The following C1QTNF8 variants were observed in gnomAD, a reference collection of about 807,000 sequenced individuals.
C1QTNF8 encodes the protein C1q and TNF related 8.
Under a neutral mutation model 19.2 loss-of-function variants are expected in C1QTNF8, and 27 were observed. The ratio of observed to expected loss-of-function variants is 1.41; its 90% CI spans 1.04 to 1.94. C1QTNF8 has a LOEUF of 1.94. Ranked by LOEUF, C1QTNF8 falls within the 30% of genes most tolerant of loss-of-function variation. The probability of loss-of-function intolerance (pLI) is 0.00; values close to 1 mark genes in which losing one functional copy is unlikely to be tolerated. For missense variants in C1QTNF8, 484 were observed against 374.4 expected (o/e 1.29, Z -2.42); for synonymous variants, 208 against 172.8 (o/e 1.20, Z -1.60).
Position 1,088,826 on chromosome 16 carries a change from T to G in C1QTNF8, c.*1773A>C, listed in dbSNP as rs906380971. 1.5e-4 allele frequency among the ~76,000 whole-genome samples: 5 copies of G among 34,400 alleles called. No homozygotes were observed. The highest frequency in any genetic ancestry group is 3.1e-4 in the Non-Finnish European group (5 of 16,246). 22.6% of individuals were successfully genotyped at this position (34,400 alleles called of 152,430 possible). A position where few individuals can be genotyped will look rare whatever the true frequency, so the allele number is the denominator to read the frequency against. Reference sequence around the variant, plus strand: ...CCCTGCCCGCCTGACCCCTGCTGCTTCTTAGTATCCGCAGCTGCAACTACC... The same window carrying G: ...CCCTGCCCGCCTGACCCCTGCTGCTGCTTAGTATCCGCAGCTGCAACTACC... On this transcript the variant is annotated 3_prime_UTR_variant, in exon 5 of 5. Transcript: ENST00000328449.
At position 1,093,776 on chromosome 16, in the gene C1QTNF8, CG is replaced by C. The variant is rs759579816; in HGVS notation, c.483del (p.Gly162AlafsTer23). On this transcript the variant is annotated frameshift_variant, in exon 4 of 5. Coordinates refer to ENST00000328449, the MANE Select transcript of C1QTNF8 (RefSeq NM_207419.3). LOFTEE classifies it high-confidence loss of function. ...LAAGRFLCTV[P>X]GVYFLSLNVH... is the part of the protein sequence containing the mutation. ...ACGTTGAGGCTGAGGAAGTAGACGC[CG>C]GGCACCGTGCAGAGGAAGCGGCCCG... is the stretch of plus-strand genomic sequence containing the variant. 1.2e-5 allele frequency: 20 copies of C among 1,611,988 alleles called. No individual in the cohort carries two copies. Among genetic ancestry groups the C allele is most frequent in the Non-Finnish European group, 1.6e-5 (19 of 1,179,682 alleles).
rs201918367 is a variant in C1QTNF8 at position 1,091,909 on chromosome 16, CT to C, written c.*5-1316del. 7.5e-3 allele frequency among the ~76,000 whole-genome samples: 1,135 copies of C among 151,564 alleles called. 46 individuals carry two copies. Among genetic ancestry groups the C allele is most frequent in the Admixed American group, 0.068 (1,042 of 15,252 alleles). ...TGGAAGTGACCGTCTTCCTTCCACC[CT>C]TTTGGCCTCCCCTGGGTCCATCCAC... On this transcript the variant is annotated intron_variant, in intron 4 of 4. Transcript: ENST00000328449.
chr16:1,093,374 G>A (rs868296228), intron 4 of C1QTNF8, 123 bp downstream of exon 4: 7 of 184,974 alleles, frequency 3.8e-5, no homozygotes, highest in South Asian at 4.8e-5. Flanking sequence ...TCCGCTGCCC[G>A]CCCACCCCAC....
In C1QTNF8 at chr16:1,089,733, C is replaced by T. The variant is rs1401098143; in HGVS notation, c.*866G>A. On this transcript the variant is annotated 3_prime_UTR_variant, in exon 5 of 5. Transcript: ENST00000328449. ...GGGCTTCTCTCCTGGCACCTCTTAG[C>T]GCCACCGGCCGTCAGCACACGGGGT... 1.3e-5 allele frequency among the ~76,000 whole-genome samples: 2 copies of T among 152,184 alleles called. No homozygotes were observed. The highest frequency in any genetic ancestry group is 1.9e-4 in the East Asian group (1 of 5,196).
At position 1,093,908 on chromosome 16, in the gene C1QTNF8, C is replaced by T. The variant is rs1369629226; in HGVS notation, c.352G>A (p.Ala118Thr). The change falls in exon 4 of 5, where the codon GCC (alanine) becomes ACC (threonine). Residue 118 changes from alanine (A) to threonine (T), a missense_variant. Ala to Thr is a moderately conservative substitution (Grantham distance 58). Transcript: ENST00000328449. ...PGAACRRAYAAFSVGRREGLH... is the reference protein window; with the variant it reads ...PGAACRRAYATFSVGRREGLH... ...CCCTCGCGCCGGCCCACGGAGAAGG[C>T]GGCGTAGGCACGTCGGCACGCGGCG... 6 of 1,549,044 alleles carry T rather than the reference C, an allele frequency of 3.9e-6. No individual in the cohort carries two copies. The highest frequency in any genetic ancestry group is 2.8e-5 in the African/African-American group (2 of 71,698).
intron 3 of C1QTNF8, 59 bp from the exon 4 acceptor site, chr16:1,094,110 C>G (rs1341758545): frequency 2.3e-6 from 3 of 1,324,970 alleles, no homozygotes; most frequent in Non-Finnish European, 2.9e-6. Flanking sequence ...CTCCCCCATT[C>G]CAGCACCCAG....
chr16:1,094,266 T>C (rs1960638191), intron 3 of C1QTNF8, among the ~76,000 whole-genome samples: 1 of 151,832 alleles, frequency 6.6e-6, no homozygotes, highest in Non-Finnish European at 1.5e-5. Flanking sequence ...GGCAAGGCCG[T>C]CCCCACCGAG....
In C1QTNF8 at chr16:1,093,658, A is replaced by AC. The variant is rs762461681; in HGVS notation, c.601dup (p.Val201GlyfsTer174). 2.1e-5 allele frequency: 33 copies of AC among 1,608,842 alleles called. No homozygotes were observed. In the South Asian group the frequency reaches 3.4e-4, roughly 17 times the overall value. On this transcript the variant is annotated frameshift_variant, in exon 4 of 5. Coordinates refer to ENST00000328449, the MANE Select transcript of C1QTNF8 (RefSeq NM_207419.3). LOFTEE classifies it high-confidence loss of function. ...CAGCATCAGGCTCTGGGCCTGCATG[A>AC]CGCTGCGCTCGCTGGGCTGCGCGTA...
chr16:1,094,036 G>C lies in C1QTNF8; in HGVS notation c.224C>G (p.Ala75Gly). 4 of 1,466,948 alleles carry C rather than the reference G, an allele frequency of 2.7e-6. No individual in the cohort carries two copies. Among genetic ancestry groups the C allele is most frequent in the Non-Finnish European group, 1.8e-6 (2 of 1,126,910 alleles). The allele number at this position is 1,466,948 out of a possible 1,614,324, so 90.9% of individuals were successfully genotyped here. Residue 75 changes from alanine (A) to glycine (G), a missense_variant, in exon 4 of 5, where the codon GCC becomes GGC. Coordinates refer to ENST00000328449, the MANE Select transcript of C1QTNF8 (RefSeq NM_207419.3). ...CCTGCCGGCCCGACCTCGGACGCCG[G>C]CCTCACCCTTCTCACCTGCAGGGGA... ...IEILKGEKGE[A>G]GVRGRAGRSG...
At chr16:1,094,473 C>A (rs1960641924) in intron 3 of C1QTNF8, 1 of 493,660 alleles carries the variant, frequency 2.0e-6, no homozygotes. Context: ...TCTCAGGAAC[C>A]CTGGCCCCCT....
Position 1,095,764 on chromosome 16 carries a change from G to C in C1QTNF8, c.-161C>G, listed in dbSNP as rs900444570. ...CTCCTTCAGGAAGCCCTCTGGGATT[G>C]TAGCACAGGGCAAGGTCCTTCCTCC... On this transcript the variant is annotated 5_prime_UTR_variant, in exon 2 of 5. Transcript: ENST00000328449. 11 of 152,286 alleles carry C rather than the reference G, an allele frequency of 7.2e-5. No individual in the cohort carries two copies. Among genetic ancestry groups the C allele is most frequent in the African/African-American group, 2.7e-4 (11 of 41,436 alleles). 9.4% of individuals were successfully genotyped at this position (152,286 alleles called of 1,614,324 possible). A position where few individuals can be genotyped will look rare whatever the true frequency, so the allele number is the denominator to read the frequency against.
At position 1,093,955 on chromosome 16, in the gene C1QTNF8, T is replaced by G. The variant is rs1366218153; in HGVS notation, c.305A>C (p.Lys102Thr). Reference sequence around the variant, plus strand: ...GGCGCCCGGCGGCCCCACCTGCCCCTTCTGGCCTCTGCGGCCCTGCAGGCC... The same window carrying G: ...GGCGCCCGGCGGCCCCACCTGCCCCGTCTGGCCTCTGCGGCCCTGCAGGCC... ...ARGLQGRRGQKGQVGPPGAAC... is the reference protein window; with the variant it reads ...ARGLQGRRGQTGQVGPPGAAC... The change falls in exon 4 of 5, where the codon AAG becomes ACG. Residue 102 changes from lysine (K) to threonine (T), a missense_variant. Lys to Thr is a moderately conservative substitution (Grantham distance 78, BLOSUM62 -1). Transcript: ENST00000328449. 1.4e-5 allele frequency: 21 copies of G among 1,495,888 alleles called. No individual in the cohort carries two copies. The highest frequency in any genetic ancestry group is 1.8e-5 in the Non-Finnish European group (21 of 1,135,918). The allele number at this position is 1,495,888 out of a possible 1,614,324, so 92.7% of individuals were successfully genotyped here.
chr16:1,093,370 G>GCCCCCCCCCCC, intron 4 of C1QTNF8, 127 bp downstream of exon 4: 3 of 417,556 alleles, frequency 7.2e-6, no homozygotes, highest in Non-Finnish European at 8.7e-6. Context: ...AAGCTCCGCT[G>GCCCCCCCCCCC]CCCGCCCACC....
chr16:1,090,982 G>C (rs1567391610), intron 4 of C1QTNF8, among the ~76,000 whole-genome samples: 1 of 152,200 alleles, frequency 6.6e-6, no homozygotes, highest in African/African-American at 2.4e-5. Flanking sequence ...GTTGGGGGCT[G>C]TCCTCTCACA....
intron 3 of C1QTNF8, chr16:1,094,499 G>A: frequency 2.0e-6 from 1 of 499,054 alleles, no homozygotes; most frequent in Non-Finnish European, 3.5e-6. Flanking sequence ...AGGATCCTCA[G>A]CACCCCACTT....
In C1QTNF8 at chr16:1,093,921, T is replaced by G; in HGVS notation, c.339A>C (p.Arg113=). 1 of 1,521,500 alleles carries G rather than the reference T, an allele frequency of 6.6e-7. No individual in the cohort carries two copies. Among genetic ancestry groups the G allele is most frequent in the Non-Finnish European group, 8.7e-7 (1 of 1,146,154 alleles). The allele number at this position is 1,521,500 out of a possible 1,614,324, so 94.2% of individuals were successfully genotyped here. Residue 113 remains arginine (R), a synonymous_variant, in exon 4 of 5, where the codon CGA becomes CGC. Coordinates refer to ENST00000328449, the MANE Select transcript of C1QTNF8 (RefSeq NM_207419.3). ...CCACGGAGAAGGCGGCGTAGGCACG[T>G]CGGCACGCGGCGCCCGGCGGCCCCA... ...GQVGPPGAAC[R]RAYAAFSVGR... is the part of the protein sequence containing the mutation.
intron 2 of C1QTNF8, 38 bp from the exon 3 acceptor site, chr16:1,094,971 G>A: frequency 2.1e-6 from 2 of 967,652 alleles, no homozygotes; most frequent in South Asian, 3.3e-5. Flanking sequence ...TGAGAAGGAG[G>A]TGCCCCAGCT....
At chr16:1,094,508 T>C in intron 3 of C1QTNF8, 1 of 499,586 alleles carries the variant, frequency 2.0e-6, no homozygotes, top group Non-Finnish European at 3.5e-6. Context: ...AGCACCCCAC[T>C]TTGGTTCATG....
chr16:1,091,150 T>C (rs1960535817), intron 4 of C1QTNF8, among the ~76,000 whole-genome samples: 1 of 151,928 alleles, frequency 6.6e-6, no homozygotes, highest in South Asian at 2.1e-4. Flanking sequence ...TGGACAAGGA[T>C]CAAGGGGCCG....
Sources: gnomAD v4.1 joint callset for allele counts (sites outside exome capture counted in the v4.1 genomes callset) on GRCh38, gnomAD v4.1.1 for gene constraint, MANE v1.5 for transcripts, NCBI Gene and HGNC (gene_info 2026-07-23, HGNC 2026-07-21) for gene names.